The following ENTPD6 variants were observed in gnomAD, a reference collection of about 807,000 sequenced individuals.
The protein encoded by ENTPD6 is CD39 antigen-like 2.
Under a neutral mutation model 61.5 loss-of-function variants are expected in ENTPD6, and 46 were observed. The ratio of observed to expected loss-of-function variants is 0.75; its 90% confidence interval spans 0.59 to 0.96. ENTPD6 has a LOEUF of 0.96. ENTPD6 is among the 40% of genes least tolerant of loss of function. The probability of loss-of-function intolerance (pLI) is 0.00; values close to 1 mark genes in which losing one functional copy is unlikely to be tolerated. For missense variants in ENTPD6, 612 were observed against 629.0 expected (o/e 0.97, Z 0.29); for synonymous variants, 252 against 255.5 (o/e 0.99, Z 0.13).
At chr20:25,223,089 T>C in intron 12 of ENTPD6, 111 bp downstream of exon 12, 1 of 1,280,250 alleles carries the variant, frequency 7.8e-7, no homozygotes. Flanking sequence ...AACCCTGTTG[T>C]CACATCCCTG....
Position 25,225,225 on chromosome 20 carries a change from C to G in ENTPD6, c.1264C>G (p.Gln422Glu). 1 of 1,613,282 alleles carries G rather than the reference C, an allele frequency of 6.2e-7. No individual in the cohort carries two copies. Among genetic ancestry groups the G allele is most frequent in the South Asian group, 1.1e-5 (1 of 90,934 alleles). ...CCCAGTGTGTCGGACCCTGGAGACA[C>G]AGCCGCAGAGCAGCCCCTTCTCATG... ...AKYVCRTLET[Q>E]PQSSPFSCMD... The change falls in exon 14 of 15, where the codon CAG becomes GAG. Residue 422 changes from glutamine (Q) to glutamate (E), a missense_variant. Gln to Glu is a conservative substitution (Grantham distance 29, BLOSUM62 2). Coordinates refer to ENST00000376652, the MANE Select transcript of ENTPD6 (RefSeq NM_001247.5).
At chr20:25,209,962 A>T (rs1007707) in intron 4 of ENTPD6, 37 bp downstream of exon 4, 1 of 1,551,410 alleles carries the variant, frequency 6.4e-7, no homozygotes, top group Non-Finnish European at 8.9e-7. Context: ...GTTCAACTGC[A>T]GAATGTGTTC....
intron 9 of ENTPD6, among the ~76,000 whole-genome samples, chr20:25,218,258 G>T (rs529396465): frequency 1.3e-5 from 2 of 152,220 alleles, no homozygotes; most frequent in African/African-American, 2.4e-5. Context: ...GTCTTCAGTC[G>T]ATTCTTGTTA....
Position 25,207,220 on chromosome 20 carries a change from G to C in ENTPD6, c.199G>C (p.Ala67Pro). The C allele has an allele frequency of 6.2e-7, 1 of 1,614,064 alleles. No individual in the cohort carries two copies. Among genetic ancestry groups the C allele is most frequent in the Non-Finnish European group, 8.5e-7 (1 of 1,180,020 alleles). Residue 67 changes from alanine (A) to proline (P), a missense_variant, in exon 3 of 15, where the codon GCC becomes CCC. Ala to Pro is a conservative substitution (Grantham distance 27). Transcript: ENST00000376652. ...CTACATCAAGTGGCACCGGGCCACC[G>C]CCACCCAGGCCTTCTTCAGCATCAC... is the stretch of plus-strand genomic sequence containing the variant. ...VAYIKWHRATATQAFFSITRA... is the reference protein window; with the variant it reads ...VAYIKWHRATPTQAFFSITRA...
At chr20:25,221,366 C>T (rs369471670) in intron 11 of ENTPD6, 33 bp downstream of exon 11, 144 of 1,542,852 alleles carry the variant, frequency 9.3e-5, no homozygotes, top group Non-Finnish European at 1.2e-4. Flanking sequence ...TTGGTTTCTG[C>T]GGGTGAGAGT....
chr20:25,222,707 T>C, intron 11 of ENTPD6, 131 bp from the exon 12 acceptor site: 1 of 1,279,204 alleles, frequency 7.8e-7, no homozygotes, highest in Non-Finnish European at 1.1e-6. Context: ...GGTGGGGTCT[T>C]ACAGGCTTCT....
In ENTPD6 at chr20:25,222,849, C is replaced by T. The variant is rs2092684139; in HGVS notation, c.1057C>T (p.His353Tyr). 6.2e-7 allele frequency: 1 copy of T among 1,613,796 alleles called. No homozygotes were observed. Among genetic ancestry groups the T allele is most frequent in the African/African-American group, 1.3e-5 (1 of 74,926 alleles). Reference sequence around the variant, plus strand: ...GTGCTTGTCCCCAGCGGCAAGCCTGCACGAGCTGTGTGCTGCCAGAGTGTC... The same window carrying T: ...GTGCTTGTCCCCAGCGGCAAGCCTGTACGAGCTGTGTGCTGCCAGAGTGTC... ...VSGQKAAASLHELCAARVSEV... is the reference protein window; with the variant it reads ...VSGQKAAASLYELCAARVSEV... Residue 353 changes from histidine to tyrosine, a missense_variant, in exon 12 of 15, where the codon CAC (histidine) becomes TAC (tyrosine). His to Tyr is a moderately conservative substitution (Grantham distance 83, BLOSUM62 2). Transcript: ENST00000376652.
rs771355768 is a variant in ENTPD6 at position 25,207,262 on chromosome 20, G to C, written c.241G>C (p.Ala81Pro). 5.3e-5 allele frequency: 85 copies of C among 1,613,538 alleles called. No individual in the cohort carries two copies. Among genetic ancestry groups the C allele is most frequent in the Non-Finnish European group, 6.5e-5 (77 of 1,179,772 alleles). The change falls in exon 3 of 15, where the codon GCC becomes CCC. Residue 81 changes from alanine to proline, a missense_variant. Physicochemically the swap from Ala to Pro is conservative, Grantham distance 27. Transcript: ENST00000376652. ...CAGCATCACCAGGGCAGCCCCGGGG[G>C]CCCGGTGGGGTCAGCAGGCCCACAG... Reference protein sequence around the residue: ...FFSITRAAPGARWGQQAHSPL... With the variant: ...FFSITRAAPGPRWGQQAHSPL...
At position 25,218,614 on chromosome 20, in the gene ENTPD6, G is replaced by A. The variant is rs995235533; in HGVS notation, c.943G>A (p.Ala315Thr). Reference protein sequence around the residue: ...AILGGVEGQPAKDGKELVSPC... With the variant: ...AILGGVEGQPTKDGKELVSPC... Reference sequence around the variant, plus strand: ...CCTGGGCGGCGTGGAGGGGCAGCCTGGTGAGTGGACATGTTGCCCCGGGCC... The same window carrying A: ...CCTGGGCGGCGTGGAGGGGCAGCCTAGTGAGTGGACATGTTGCCCCGGGCC... Residue 315 changes from alanine (A) to threonine (T), a missense_variant and splice_region_variant, in exon 10 of 15, where the codon GCT becomes ACT. Coordinates refer to ENST00000376652, the MANE Select transcript of ENTPD6 (RefSeq NM_001247.5). 6.2e-7 allele frequency: 1 copy of A among 1,603,010 alleles called. No individual in the cohort carries two copies. The highest frequency in any genetic ancestry group is 1.3e-5 in the African/African-American group (1 of 75,008).
intron 1 of ENTPD6, among the ~76,000 whole-genome samples, chr20:25,199,494 A>C (rs763680317): frequency 6.6e-6 from 1 of 152,218 alleles, no homozygotes; most frequent in African/African-American, 2.4e-5. Flanking sequence ...AGAAGTTGCC[A>C]TAAAATACAC....
At chr20:25,209,993 A>G in intron 4 of ENTPD6, 68 bp downstream of exon 4, 2 of 1,360,698 alleles carry the variant, frequency 1.5e-6, no homozygotes, top group Non-Finnish European at 2.1e-6. Context: ...TTTTCCTTTG[A>G]ATGTGGTAGG....
intron 1 of ENTPD6, among the ~76,000 whole-genome samples, chr20:25,201,489 T>A (rs1176337461): frequency 5.3e-5 from 8 of 152,238 alleles, no homozygotes; most frequent in African/African-American, 1.9e-4. Context: ...TCCTGGTGAA[T>A]TGACTATTTT....
intron 6 of ENTPD6, among the ~76,000 whole-genome samples, chr20:25,215,383 G>T (rs1469220275): frequency 6.6e-6 from 1 of 152,172 alleles, no homozygotes; most frequent in East Asian, 1.9e-4. Flanking sequence ...GGGAGCACTG[G>T]GTTCTTTTTC....
rs2092688459 is a variant in ENTPD6, at chr20:25,222,972, C to A, written c.1180C>A (p.Leu394Ile). The stretch of plus-strand genomic sequence containing the variant: ...TTACGACCTTGCAGCTGGTGTGGGC[C>A]TCATAGGTAAGGGGGCCCGGATGGG... Reference protein sequence around the residue: ...YYYDLAAGVGLIDAEKGGSLV... With the variant: ...YYYDLAAGVGIIDAEKGGSLV... The change falls in exon 12 of 15, where the codon CTC (leucine) becomes ATC (isoleucine). Residue 394 changes from leucine to isoleucine, a missense_variant. Leu to Ile is a conservative substitution (Grantham distance 5, BLOSUM62 2). Transcript: ENST00000376652. 4.4e-6 allele frequency: 7 copies of A among 1,606,764 alleles called. No individual in the cohort carries two copies. Among genetic ancestry groups the A allele is most frequent in the Non-Finnish European group, 6.0e-6 (7 of 1,175,826 alleles).
At chr20:25,215,614 C>T in intron 6 of ENTPD6, 62 bp from the exon 7 acceptor site, 1 of 1,556,524 alleles carries the variant, frequency 6.4e-7, no homozygotes, top group Non-Finnish European at 8.9e-7. Context: ...TTTAACGGTC[C>T]TGTGTGTTAT....
intron 5 of ENTPD6, among the ~76,000 whole-genome samples, chr20:25,214,428 C>G (rs1387120577): frequency 3.3e-5 from 5 of 152,220 alleles, no homozygotes. Flanking sequence ...CATCCCAAAG[C>G]AGGGCAGTGT....
chr20:25,203,980 A>C (rs2091259265), intron 1 of ENTPD6, among the ~76,000 whole-genome samples: 1 of 152,160 alleles, frequency 6.6e-6, no homozygotes, highest in Non-Finnish European at 1.5e-5. Context: ...CTGAGGATGC[A>C]TCTTCCCTGG....
Position 25,225,880 on chromosome 20 carries a change from G to A in ENTPD6, c.*283G>A. The A allele has an allele frequency of 2.8e-6, 1 of 354,478 alleles. No homozygotes were observed. The highest frequency in any genetic ancestry group is 5.4e-5 in the South Asian group (1 of 18,676). The allele number at this position is 354,478 out of a possible 1,614,324, so 22.0% of individuals were successfully genotyped here. A position where few individuals can be genotyped will look rare whatever the true frequency, so the allele number is the denominator to read the frequency against. On this transcript the variant is annotated 3_prime_UTR_variant, in exon 15 of 15. Transcript: ENST00000376652. ...ACAGAACCACAGGCACACACTGAGG[G>A]GGCAGTGTGGCTCCCTGCCTGTCCC...
At chr20:25,199,010 C>T (rs1441798271) in intron 1 of ENTPD6, among the ~76,000 whole-genome samples, 1 of 152,234 alleles carries the variant, frequency 6.6e-6, no homozygotes, top group Non-Finnish European at 1.5e-5. Flanking sequence ...ATGATGCCTG[C>T]ATCTTCCTCC....
Sources: gnomAD v4.1 joint callset for allele counts (sites outside exome capture counted in the v4.1 genomes callset) on GRCh38, gnomAD v4.1.1 for gene constraint, MANE v1.5 for transcripts, NCBI Gene and HGNC (gene_info 2026-07-23, HGNC 2026-07-21) for gene names.